STXBP6: variants seen among roughly 807,000 people sequenced by gnomAD.
The protein encoded by STXBP6 is syntaxin binding protein 6, also known as syntaxin-binding protein 6.
In STXBP6, 21 loss-of-function variants were observed where a neutral mutation model predicts 26.9. The ratio of observed to expected loss-of-function variants is 0.78; its 90% CI spans 0.55 to 1.12. The LOEUF (loss-of-function observed/expected upper bound fraction) is 1.12. Among genes scored for constraint, STXBP6 ranks in the 50% most tolerant of loss-of-function variants. The probability of loss-of-function intolerance (pLI) is 0.00; values close to 1 mark genes in which losing one functional copy is unlikely to be tolerated. For missense variants in STXBP6, 232 were observed against 257.9 expected (o/e 0.90, Z 0.69); for synonymous variants, 97 against 92.6 (o/e 1.05, Z -0.27).
At chr14:24,826,512 C>G (rs188364206) in intron 4 of STXBP6, among the ~76,000 whole-genome samples, 11 of 152,298 alleles carry the variant, frequency 7.2e-5, no homozygotes, top group Admixed American at 7.2e-4. Flanking sequence ...GAGGAGTCTG[C>G]CCCTACTGTT....
chr14:24,894,875 C>CT (rs2070929728), intron 2 of STXBP6, among the ~76,000 whole-genome samples: 1 of 99,744 alleles, frequency 1.0e-5, no homozygotes, highest in South Asian at 4.0e-4. Flanking sequence ...TAACTCTTCT[C>CT]CTTATTTCTC....
intron 1 of STXBP6, among the ~76,000 whole-genome samples, chr14:25,031,198 G>A (rs756597723): frequency 6.6e-5 from 10 of 152,228 alleles, no homozygotes; most frequent in African/African-American, 1.9e-4. Context: ...CTTTGGTTAC[G>A]AAAAAGCAAG....
chr14:25,008,532 G>C (rs1257073839), intron 1 of STXBP6, among the ~76,000 whole-genome samples: 1 of 152,056 alleles, frequency 6.6e-6, no homozygotes, highest in Non-Finnish European at 1.5e-5. Flanking sequence ...ATTACTTTAG[G>C]TTGTTAAAGA....
intron 2 of STXBP6, among the ~76,000 whole-genome samples, chr14:24,961,345 T>A (rs2073530052): frequency 6.6e-6 from 1 of 151,196 alleles, no homozygotes; most frequent in Non-Finnish European, 1.5e-5. Context: ...GATAAAACAA[T>A]CTGTGTAACA....
intron 1 of STXBP6, among the ~76,000 whole-genome samples, chr14:24,987,417 G>A (rs1051948779): frequency 2.6e-5 from 4 of 152,204 alleles, no homozygotes; most frequent in African/African-American, 9.6e-5. Context: ...TAGGACTGTT[G>A]TGAAGGATGA....
At chr14:24,961,202 G>A (rs2073525091) in intron 2 of STXBP6, among the ~76,000 whole-genome samples, 1 of 152,102 alleles carries the variant, frequency 6.6e-6, no homozygotes, top group African/African-American at 2.4e-5. Context: ...ACTTTTAAGT[G>A]GGAGCTAAAT....
intron 1 of STXBP6, among the ~76,000 whole-genome samples, chr14:25,027,104 C>A (rs531773203): frequency 6.6e-6 from 1 of 152,312 alleles, no homozygotes; most frequent in South Asian, 2.1e-4. Context: ...CTGTTGCAGA[C>A]CAATTTGACT....
At chr14:24,982,443 G>A (rs574235732) in intron 1 of STXBP6, among the ~76,000 whole-genome samples, 37 of 152,330 alleles carry the variant, frequency 2.4e-4, no homozygotes, top group African/African-American at 7.5e-4. Context: ...CCAGCTACGC[G>A]TTAGCCTGCG....
intron 4 of STXBP6, among the ~76,000 whole-genome samples, chr14:24,844,483 C>T (rs1216066926): frequency 6.6e-6 from 1 of 152,102 alleles, no homozygotes; most frequent in East Asian, 1.9e-4. Flanking sequence ...GGGACTGAGC[C>T]CTTAACCAGC....
chr14:24,861,596 G>A (rs148934880), intron 2 of STXBP6, among the ~76,000 whole-genome samples: 6 of 152,286 alleles, frequency 3.9e-5, no homozygotes, highest in African/African-American at 7.2e-5. Flanking sequence ...AGGCTGCTGC[G>A]CCAGCAATTC....
chr14:24,839,049 T>C (rs1285315752), intron 4 of STXBP6, among the ~76,000 whole-genome samples: 1 of 152,106 alleles, frequency 6.6e-6, no homozygotes, highest in Non-Finnish European at 1.5e-5. Flanking sequence ...GCTGGAAACA[T>C]TACAAAATCT....
intron 1 of STXBP6, among the ~76,000 whole-genome samples, chr14:25,035,034 C>T (rs1284142866): frequency 6.6e-6 from 1 of 151,820 alleles, no homozygotes; most frequent in African/African-American, 2.4e-5. Flanking sequence ...ACCTATAATC[C>T]CAGCTACTCG....
intron 2 of STXBP6, among the ~76,000 whole-genome samples, chr14:24,863,235 T>C (rs778889627): frequency 2.6e-5 from 4 of 152,280 alleles, no homozygotes; most frequent in African/African-American, 9.6e-5. Flanking sequence ...TTTATTATAA[T>C]GGATACAGAG....
At chr14:25,039,950 C>T (rs2075616877) in intron 1 of STXBP6, among the ~76,000 whole-genome samples, 1 of 152,090 alleles carries the variant, frequency 6.6e-6, no homozygotes, top group South Asian at 2.1e-4. Context: ...CTCAAGTGAT[C>T]CGCCTGCCTC....
chr14:24,819,096 C>A lies in STXBP6; in HGVS notation c.550G>T (p.Glu184Ter), dbSNP rs753920404. Residue 184 changes from glutamate (E) to a stop codon, truncating the protein, a stop_gained, in exon 5 of 6, where the codon GAG becomes TAG. Coordinates refer to ENST00000323944, the MANE Select transcript of STXBP6 (RefSeq NM_001394410.1). LOFTEE classifies it high-confidence loss of function. The stretch of plus-strand genomic sequence containing the variant: ...TTCTTCAGGTCTTCTGTCTTCTCCT[C>A]TGCTCGGCCTAATCGCTCTCCACGC... ...NERGERLGRA[E>*]EKTEDLKNSA... is the part of the protein sequence containing the mutation. The A allele has an allele frequency of 3.7e-6, 6 of 1,613,984 alleles. No individual in the cohort carries two copies. In the Admixed American group the frequency reaches 1.0e-4, roughly 27 times the overall value.
intron 2 of STXBP6, among the ~76,000 whole-genome samples, chr14:24,916,391 C>T (rs1257826485): frequency 2.6e-5 from 4 of 152,058 alleles, no homozygotes; most frequent in Non-Finnish European, 5.9e-5. Flanking sequence ...GAGAATATAC[C>T]AAAAGACCAG....
At chr14:24,886,151 C>T (rs910351617) in intron 2 of STXBP6, among the ~76,000 whole-genome samples, 7 of 152,130 alleles carry the variant, frequency 4.6e-5, no homozygotes, top group African/African-American at 1.7e-4. Context: ...CTTCTACTTG[C>T]CCCAATCGCT....
At chr14:24,938,605 A>G (rs1005583037) in intron 2 of STXBP6, among the ~76,000 whole-genome samples, 1 of 151,952 alleles carries the variant, frequency 6.6e-6, no homozygotes, top group Non-Finnish European at 1.5e-5. Context: ...GAAAAAAAAA[A>G]AAAGGCCCAC....
chr14:24,962,712 C>T (rs10132944), intron 2 of STXBP6, among the ~76,000 whole-genome samples: 42,880 of 151,872 alleles, frequency 0.28, 7,011 homozygotes, highest in African/African-American at 0.46. Context: ...TTTTAGCTCA[C>T]GGCAGAGCAC....
Sources: allele counts gnomAD v4.1 joint callset (sites outside exome capture counted in the v4.1 genomes callset), GRCh38; gene constraint gnomAD v4.1.1; transcripts MANE v1.5; gene names NCBI Gene and HGNC (gene_info 2026-07-23, HGNC 2026-07-21).